The following HECW2 variants were observed in gnomAD, a reference collection of about 807,000 sequenced individuals.
The protein encoded by HECW2 is HECT, C2 and WW domain containing E3 ubiquitin protein ligase 2, also known as E3 ubiquitin-protein ligase HECW2.
In HECW2, 61 loss-of-function variants were observed where a neutral mutation model predicts 175.2. That is an observed-to-expected ratio of 0.35 (90% CI 0.28 to 0.43). The LOEUF (loss-of-function observed/expected upper bound fraction) is 0.43. Ranked by LOEUF, HECW2 falls within the 20% of genes least tolerant of loss-of-function variation. The pLI is 1.00. For synonymous variants in HECW2, 671 were observed against 731.0 expected (o/e 0.92, Z 1.32); for missense variants, 1,524 against 2,000.5 (o/e 0.76, Z 4.54).
chr2:196,429,745 T>G (rs1276785575), intron 2 of HECW2, among the ~76,000 whole-genome samples: 1 of 151,848 alleles, frequency 6.6e-6, no homozygotes, highest in Non-Finnish European at 1.5e-5. Context: ...TCCATAGCAG[T>G]TCTGCTGAGC....
intron 1 of HECW2, among the ~76,000 whole-genome samples, chr2:196,547,229 C>A (rs532795091): frequency 6.6e-6 from 1 of 152,266 alleles, no homozygotes; most frequent in Non-Finnish European, 1.5e-5. Context: ...TTCAGGGGCA[C>A]CCCAGCATTC....
Position 196,319,273 on chromosome 2 carries a change from G to A in HECW2, c.1617C>T (p.Ser539=), listed in dbSNP as rs761402915. The change falls in exon 9 of 29, where the codon AGC becomes AGT. Residue 539 remains serine, a synonymous_variant. Transcript: ENST00000644978. ...KPENLPELAE[S]SLPAGPAPEE... ...CTGGGGCTGGGCCTGCAGGTAAGGA[G>A]CTCTCTGCAAGCTCTGGAAGATTTT... 7.5e-6 allele frequency: 12 copies of A among 1,608,458 alleles called. No homozygotes were observed. Among genetic ancestry groups the A allele is most frequent in the Non-Finnish European group, 6.8e-6 (8 of 1,177,600 alleles).
chr2:196,271,054 T>C (rs1319133731), intron 17 of HECW2, 139 bp downstream of exon 17: 2 of 626,794 alleles, frequency 3.2e-6, no homozygotes, highest in Admixed American at 5.7e-5. Context: ...CTGGTGATGA[T>C]GACAAAATAT....
chr2:196,399,280 T>C (rs1359575917), intron 2 of HECW2, among the ~76,000 whole-genome samples: 1 of 152,162 alleles, frequency 6.6e-6, no homozygotes. Flanking sequence ...AGTTATTCAA[T>C]TGGTAATTCT....
chr2:196,467,254 C>CA (rs1389928882), intron 1 of HECW2, among the ~76,000 whole-genome samples: 2 of 152,208 alleles, frequency 1.3e-5, no homozygotes, highest in African/African-American at 2.4e-5. Context: ...TCTTCCAATA[C>CA]AAAATTACTT....
At chr2:196,292,483 AC>A in intron 14 of HECW2, 81 bp downstream of exon 14, 1 of 1,181,894 alleles carries the variant, frequency 8.5e-7, no homozygotes, top group Non-Finnish European at 1.2e-6. Flanking sequence ...CTTGGCCCTC[AC>A]TTGAAGGGTA....
intron 4 of HECW2, chr2:196,331,194 C>A (rs1692345243): frequency 1.0e-6 from 1 of 985,306 alleles, no homozygotes; most frequent in Middle Eastern, 5.2e-4. Flanking sequence ...ATCTGTTTTT[C>A]CTTCCATCTA....
At chr2:196,456,260 C>T (rs1428910684) in intron 1 of HECW2, among the ~76,000 whole-genome samples, 1 of 152,140 alleles carries the variant, frequency 6.6e-6, no homozygotes, top group African/African-American at 2.4e-5. Context: ...TAACAAAATA[C>T]ATGATTGCTT....
intron 19 of HECW2, 108 bp from the exon 20 acceptor site, chr2:196,242,312 C>G: frequency 7.3e-7 from 1 of 1,377,622 alleles, no homozygotes; most frequent in South Asian, 1.3e-5. Context: ...AATGAGGCAA[C>G]TGTCTTAACT....
At chr2:196,260,420 T>C (rs1426797621) in intron 17 of HECW2, 3 of 152,202 alleles carry the variant, frequency 2.0e-5, no homozygotes, top group Admixed American at 2.0e-4. Flanking sequence ...CAGTGAACAT[T>C]TTCTGCGTGC....
At chr2:196,319,976 T>C in intron 8 of HECW2, 72 bp from the exon 9 acceptor site, 1 of 1,406,678 alleles carries the variant, frequency 7.1e-7, no homozygotes, top group South Asian at 1.4e-5. Flanking sequence ...CTTATTTGCT[T>C]TGCCACCAAT....
At chr2:196,406,635 C>T (rs1694972960) in intron 2 of HECW2, among the ~76,000 whole-genome samples, 1 of 152,198 alleles carries the variant, frequency 6.6e-6, no homozygotes, top group Non-Finnish European at 1.5e-5. Flanking sequence ...TGTGATCTGA[C>T]CCCAACCTTC....
At chr2:196,231,312 A>C (rs1688048765) in intron 21 of HECW2, among the ~76,000 whole-genome samples, 1 of 152,140 alleles carries the variant, frequency 6.6e-6, no homozygotes, top group Non-Finnish European at 1.5e-5. Context: ...CTGCAAATGG[A>C]AGAACCAGCA....
Position 196,216,042 on chromosome 2 carries a change from C to T in HECW2, c.4495-65G>A, listed in dbSNP as rs1469072506. ...AGACCAACAGCCAGGAAAGGCATCA[C>T]GTCATTCACGGGCAGAGCTCCTGAG... On this transcript the variant is annotated intron_variant, in intron 27 of 28. Transcript: ENST00000644978. 1.7e-5 allele frequency: 19 copies of T among 1,095,736 alleles called. No individual in the cohort carries two copies. In the East Asian group the frequency reaches 3.1e-4, roughly 18 times the overall value. 67.9% of individuals were successfully genotyped at this position (1,095,736 alleles called of 1,614,324 possible).
At chr2:196,469,487 GC>G (rs935437543) in intron 1 of HECW2, among the ~76,000 whole-genome samples, 7 of 151,920 alleles carry the variant, frequency 4.6e-5, no homozygotes, top group African/African-American at 1.4e-4. Flanking sequence ...GTTCACAGGT[GC>G]TAAATATCTC....
At position 196,319,382 on chromosome 2, in the gene HECW2, G is replaced by C; in HGVS notation, c.1508C>G (p.Thr503Arg). The change falls in exon 9 of 29, where the codon ACA (threonine) becomes AGA (arginine). Residue 503 changes from threonine to arginine, a missense_variant. Thr to Arg is a moderately conservative substitution (Grantham distance 71). Coordinates refer to ENST00000644978, the MANE Select transcript of HECW2 (RefSeq NM_001348768.2). ...GTTGTCCTCCAGCTTTGTCTGAGAT[G>C]TCAGGCTTCCATCATCAGCTCTGGA... ...RASRADDGSL[T>R]SQTKLEDNPV... 6.2e-7 allele frequency: 1 copy of C among 1,613,516 alleles called. No individual in the cohort carries two copies.
In HECW2 at chr2:196,217,031, C is replaced by A; in HGVS notation, c.4471G>T (p.Glu1491Ter). 2 of 1,537,668 alleles carry A rather than the reference C, an allele frequency of 1.3e-6. No individual in the cohort carries two copies. Among genetic ancestry groups the A allele is most frequent in the Admixed American group, 2.3e-5 (1 of 42,618 alleles). Reference protein sequence around the residue: ...FWAAVERFNNEQRLRLLQFVT... With the variant: ...FWAAVERFNN ...ACCTGTAACAACCTTAGTCGTTGTT[C>A]ATTGTTGAATCTTTCCACTGCAGCC... Residue 1491 changes from glutamate (E) to a stop codon, truncating the protein, a stop_gained, in exon 27 of 29, where the codon GAA (glutamate) becomes TAA (stop). Coordinates refer to ENST00000644978, the MANE Select transcript of HECW2 (RefSeq NM_001348768.2). LOFTEE classifies it high-confidence loss of function.
chr2:196,301,469 G>C (rs1691049651), intron 13 of HECW2, among the ~76,000 whole-genome samples: 1 of 152,030 alleles, frequency 6.6e-6, no homozygotes, highest in African/African-American at 2.4e-5. Flanking sequence ...TTTCACAATG[G>C]TTGAACTAAT....
chr2:196,369,064 G>A (rs1693834453), intron 2 of HECW2, among the ~76,000 whole-genome samples: 1 of 152,122 alleles, frequency 6.6e-6, no homozygotes, highest in African/African-American at 2.4e-5. Context: ...GCTTTGAAGA[G>A]TTAGGTATTT....
Sources: allele counts gnomAD v4.1 joint callset (sites outside exome capture counted in the v4.1 genomes callset), GRCh38; gene constraint gnomAD v4.1.1; transcripts MANE v1.5; gene names NCBI Gene and HGNC (gene_info 2026-07-23, HGNC 2026-07-21).